The following GRIK1 variants were observed in gnomAD, a reference collection of about 807,000 sequenced individuals.
The protein encoded by GRIK1 is glutamate receptor ionotropic, kainate 1.
Under a neutral mutation model 105.7 loss-of-function variants are expected in GRIK1, and 69 were observed. The ratio of observed to expected loss-of-function variants is 0.65; its 90% confidence interval spans 0.54 to 0.80. The LOEUF (loss-of-function observed/expected upper bound fraction) is 0.80, where lower values mean the gene tolerates loss of function less well. Ranked by LOEUF, GRIK1 falls within the 30% of genes least tolerant of loss-of-function variation. GRIK1 has a pLI of 0.00. For synonymous variants in GRIK1, 438 were observed against 431.3 expected (o/e 1.02, Z -0.19); for missense variants, 1,109 against 1,167.3 (o/e 0.95, Z 0.73).
At chr21:29,776,950 C>G (rs1324778637) in intron 1 of GRIK1, among the ~76,000 whole-genome samples, 6 of 151,920 alleles carry the variant, frequency 3.9e-5, no homozygotes, top group Non-Finnish European at 8.8e-5. Flanking sequence ...GGATGTCAGA[C>G]AATACCAGAA....
At chr21:29,777,006 T>C (rs2065963106) in intron 1 of GRIK1, among the ~76,000 whole-genome samples, 1 of 152,122 alleles carries the variant, frequency 6.6e-6, no homozygotes, top group South Asian at 2.1e-4. Flanking sequence ...ACAAGACTGG[T>C]CCTAAATTAG....
chr21:29,802,440 C>G (rs552823384), intron 1 of GRIK1, among the ~76,000 whole-genome samples: 1 of 152,224 alleles, frequency 6.6e-6, no homozygotes, highest in South Asian at 2.1e-4. Context: ...CTTCCCACCT[C>G]CAACACACAG....
At chr21:29,819,479 C>CTG (rs757812835) in intron 1 of GRIK1, among the ~76,000 whole-genome samples, 258 of 151,128 alleles carry the variant, frequency 1.7e-3, no homozygotes, top group African/African-American at 4.9e-3. Flanking sequence ...GCTTGTGTGT[C>CTG]TGTGTGTGTG....
intron 1 of GRIK1, among the ~76,000 whole-genome samples, chr21:29,744,861 G>A (rs1188604265): frequency 1.3e-5 from 2 of 152,086 alleles, no homozygotes; most frequent in Admixed American, 1.3e-4. Flanking sequence ...ATCCCATGAG[G>A]TAGGAGACAC....
intron 14 of GRIK1, among the ~76,000 whole-genome samples, chr21:29,563,899 C>T (rs1249436274): frequency 6.6e-6 from 1 of 152,128 alleles, no homozygotes; most frequent in Admixed American, 6.5e-5. Context: ...TCCAGCACAC[C>T]TAATATCTAA....
chr21:29,918,265 G>A (rs1004110358), intron 1 of GRIK1, among the ~76,000 whole-genome samples: 2 of 151,978 alleles, frequency 1.3e-5, no homozygotes, highest in Admixed American at 6.6e-5. Flanking sequence ...CATTAATAAT[G>A]GCAGTTAACT....
chr21:29,827,850 G>A (rs557570048), intron 1 of GRIK1, among the ~76,000 whole-genome samples: 2 of 152,150 alleles, frequency 1.3e-5, no homozygotes, highest in African/African-American at 4.8e-5. Flanking sequence ...CTGCTGGATG[G>A]TTCTTCTGCT....
rs181577996 is a variant in GRIK1 at position 29,560,566 on chromosome 21, T to C, written c.2356+1058A>G. Among the ~76,000 whole-genome samples the C allele has an allele frequency of 3.5e-4, 42 of 121,546 alleles. 1 individual carries two copies. The highest frequency in any genetic ancestry group is 9.8e-4 in the African/African-American group (23 of 23,584). 79.7% of individuals were successfully genotyped at this position (121,546 alleles called of 152,430 possible). ...TTTCTTTCTTTCTTTCTTTCTTTCT[T>C]TCTTTCTTTCTCTCTTTCTTTCTTT... is the stretch of plus-strand genomic sequence containing the variant. On this transcript the variant is annotated intron_variant, in intron 15 of 17. Coordinates refer to ENST00000327783, the MANE Select transcript of GRIK1 (RefSeq NM_001330994.2).
At chr21:29,555,345 A>C in intron 15 of GRIK1, 43 bp from the exon 16 acceptor site, 1 of 1,568,398 alleles carries the variant, frequency 6.4e-7, no homozygotes, top group East Asian at 2.2e-5. Context: ...AAAATGTTGA[A>C]GAAGACATCC....
rs1472713302 is a variant in GRIK1 at position 29,846,452 on chromosome 21, G to GA, written c.118+92930_118+92931insT. Among the ~76,000 whole-genome samples, 224 of 114,414 alleles carry GA rather than the reference G, an allele frequency of 2.0e-3. 1 individual carries two copies. Among genetic ancestry groups the GA allele is most frequent in the East Asian group, 4.7e-3 (19 of 4,026 alleles). 75.1% of individuals were successfully genotyped at this position (114,414 alleles called of 152,430 possible). On this transcript the variant is annotated intron_variant, in intron 1 of 17. Transcript: ENST00000327783. ...AATAAAGAAGGAAAGAAGGAAAGAAGGAAAGAGAGAGAGAAAGAAAGAAAG... is the reference window on the plus strand; with the variant it reads ...AATAAAGAAGGAAAGAAGGAAAGAAGAGAAAGAGAGAGAGAAAGAAAGAAAG...
rs551069602 is a variant in GRIK1, at chr21:29,828,651, A to G, written c.118+110732T>C. On this transcript the variant is annotated intron_variant, in intron 1 of 17. Transcript: ENST00000327783. ...CAAGTAGCAGGGACTGTAGCTGCACACTACCACACCCAGCTAATTAAAAAA... is the reference window on the plus strand; with the variant it reads ...CAAGTAGCAGGGACTGTAGCTGCACGCTACCACACCCAGCTAATTAAAAAA... Among the ~76,000 whole-genome samples the G allele has an allele frequency of 2.8e-4, 43 of 152,062 alleles. No homozygotes were observed. In the East Asian group the frequency reaches 8.2e-3, roughly 29 times the overall value.
At chr21:29,629,014 C>T (rs2062196220) in intron 7 of GRIK1, among the ~76,000 whole-genome samples, 1 of 152,038 alleles carries the variant, frequency 6.6e-6, no homozygotes, top group Non-Finnish European at 1.5e-5. Context: ...TGAGCCCCTA[C>T]TATATGCAGG....
At position 29,805,020 on chromosome 21, in the gene GRIK1, C is replaced by T. The variant is rs1851492027; in HGVS notation, c.119-110957G>A. Among the ~76,000 whole-genome samples, 3 of 152,094 alleles carry T rather than the reference C, an allele frequency of 2.0e-5. No homozygotes were observed. The South Asian group carries it at 6.2e-4, about 31-fold the overall frequency. On this transcript the variant is annotated intron_variant, in intron 1 of 17. Coordinates refer to ENST00000327783, the MANE Select transcript of GRIK1 (RefSeq NM_001330994.2). ...GGAGTGGACAACTTTGTTTGCCTAA[C>T]CAGCCTCTATTTGTTTTTCCTTTTC...
chr21:29,574,830 G>C (rs955854763), intron 14 of GRIK1, among the ~76,000 whole-genome samples: 1 of 151,612 alleles, frequency 6.6e-6, no homozygotes, highest in African/African-American at 2.4e-5. Flanking sequence ...TGGGACTACA[G>C]GCGCCCGCCA....
intron 1 of GRIK1, among the ~76,000 whole-genome samples, chr21:29,898,060 C>A (rs1243054197): frequency 6.6e-6 from 1 of 152,182 alleles, no homozygotes; most frequent in Non-Finnish European, 1.5e-5. Flanking sequence ...GCTTCTTCGC[C>A]TACTGAGTCT....
chr21:29,573,707 G>A (rs911329628), intron 14 of GRIK1, among the ~76,000 whole-genome samples: 9 of 152,060 alleles, frequency 5.9e-5, no homozygotes, highest in African/African-American at 1.9e-4. Context: ...AAATTAGCCA[G>A]GCATGGTAGC....
At chr21:29,749,414 C>G (rs1210644610) in intron 1 of GRIK1, among the ~76,000 whole-genome samples, 1 of 152,194 alleles carries the variant, frequency 6.6e-6, no homozygotes, top group African/African-American at 2.4e-5. Flanking sequence ...GTCTAATAGC[C>G]TTGGCCTCAG....
chr21:29,763,909 AAG>A (rs1248131674), intron 1 of GRIK1: 1 of 151,796 alleles, frequency 6.6e-6, no homozygotes, highest in African/African-American at 2.4e-5. Flanking sequence ...CTGATTCAGA[AAG>A]AGATGTTCCA....
chr21:29,620,068 T>G (rs746572773), intron 7 of GRIK1, among the ~76,000 whole-genome samples: 5 of 152,238 alleles, frequency 3.3e-5, no homozygotes, highest in Non-Finnish European at 4.4e-5. Context: ...CTGTGTCATC[T>G]GCAAAGCTTG....
Sources: allele counts gnomAD v4.1 joint callset (sites outside exome capture counted in the v4.1 genomes callset), GRCh38; gene constraint gnomAD v4.1.1; transcripts MANE v1.5; gene names NCBI Gene and HGNC (gene_info 2026-07-23, HGNC 2026-07-21).